EPM2A: variants seen among roughly 807,000 people sequenced by gnomAD.
EPM2A encodes the protein laforin.
A neutral mutation model predicts 26.5 loss-of-function variants in EPM2A; 21 were observed. The observed-to-expected ratio is 0.79, with a 90% CI of 0.56 to 1.14. EPM2A has a LOEUF of 1.14. Among genes scored for constraint, EPM2A ranks in the 50% most tolerant of loss-of-function variants. The pLI is 0.00. For missense variants in EPM2A, 458 were observed against 440.8 expected (o/e 1.04, Z -0.35); for synonymous variants, 217 against 177.6 (o/e 1.22, Z -1.76).
At chr6:145,731,138 A>C (rs920038816) in intron 1 of EPM2A, among the ~76,000 whole-genome samples, 3 of 152,202 alleles carry the variant, frequency 2.0e-5, no homozygotes, top group South Asian at 4.1e-4. Flanking sequence ...CTCATGATCA[A>C]GTTCTTTTTA....
At chr6:145,664,302 A>G (rs1274643622) in intron 2 of EPM2A, among the ~76,000 whole-genome samples, 3 of 97,666 alleles carry the variant, frequency 3.1e-5, no homozygotes, top group African/African-American at 8.6e-5. Flanking sequence ...GGCTCAAAAT[A>G]AAAGGATGGA....
At chr6:145,447,926 T>C (rs1779146801) in intron 4 of EPM2A, among the ~76,000 whole-genome samples, 2 of 152,124 alleles carry the variant, frequency 1.3e-5, no homozygotes, top group Non-Finnish European at 2.9e-5. Flanking sequence ...TCATATATTG[T>C]TTTTAAAAAT....
chr6:145,467,698 T>C (rs1267128238), intron 4 of EPM2A, among the ~76,000 whole-genome samples: 1 of 152,152 alleles, frequency 6.6e-6, no homozygotes, highest in African/African-American at 2.4e-5. Context: ...AAATAACATC[T>C]TTACAATGTT....
chr6:145,498,487 T>TG (rs574091947), downstream of EPM2A, among the ~76,000 whole-genome samples: 55 of 152,322 alleles, frequency 3.6e-4, no homozygotes, highest in East Asian at 7.2e-3. Context: ...CACAGCTCTG[T>TG]GTGTCAGACT....
intron 4 of EPM2A, among the ~76,000 whole-genome samples, chr6:145,481,703 T>C (rs1426449797): frequency 6.6e-6 from 1 of 152,120 alleles, no homozygotes. Context: ...CTGTAGGATA[T>C]AAGTACTTGT....
chr6:145,435,651 G>A (rs1036859467), intron 4 of EPM2A, among the ~76,000 whole-genome samples: 4 of 151,206 alleles, frequency 2.6e-5, no homozygotes, highest in Non-Finnish European at 5.9e-5. Flanking sequence ...CCCAGTCTCA[G>A]GTATTTCTGT....
intron 1 of EPM2A, among the ~76,000 whole-genome samples, chr6:145,696,773 GTA>G (rs1350968653): frequency 1.6e-3 from 148 of 94,846 alleles, no homozygotes; most frequent in Middle Eastern, 5.0e-3. Flanking sequence ...ACAGGTAGGG[GTA>G]TGTGTGTGTG....
intron 4 of EPM2A, among the ~76,000 whole-genome samples, chr6:145,422,684 T>C (rs1778804595): frequency 6.6e-6 from 1 of 152,014 alleles, no homozygotes; most frequent in African/African-American, 2.4e-5. Flanking sequence ...TTACCACCAT[T>C]TTTATATGTG....
At chr6:145,554,238 G>T (rs1229941948) in intron 2 of EPM2A, among the ~76,000 whole-genome samples, 1 of 151,922 alleles carries the variant, frequency 6.6e-6, no homozygotes, top group Non-Finnish European at 1.5e-5. Context: ...AATACTAAGG[G>T]GGGTAGTATG....
In EPM2A at chr6:145,401,944, C is replaced by T. The variant is rs1264065059; in HGVS notation, c.556-17847G>A. Among the ~76,000 whole-genome samples the T allele has an allele frequency of 6.6e-5, 10 of 152,098 alleles. No homozygotes were observed. The South Asian group carries it at 2.1e-3, about 32-fold the overall frequency. ...AAAGAGAGAGAAGGAAACACTCTTCCTAGATTAGAAAGCCATCTCGTACAT... is the reference window on the plus strand; with the variant it reads ...AAAGAGAGAGAAGGAAACACTCTTCTTAGATTAGAAAGCCATCTCGTACAT... On this transcript the variant is annotated intron_variant, in intron 4 of 4. Transcript: ENST00000638717.
intron 1 of EPM2A, among the ~76,000 whole-genome samples, chr6:145,720,730 T>A (rs904750467): frequency 6.6e-6 from 1 of 152,210 alleles, no homozygotes; most frequent in African/African-American, 2.4e-5. Flanking sequence ...GCTAACTTCT[T>A]CCTAACATAC....
At chr6:145,475,952 T>C (rs978500268) in intron 4 of EPM2A, among the ~76,000 whole-genome samples, 4 of 151,926 alleles carry the variant, frequency 2.6e-5, no homozygotes, top group African/African-American at 9.7e-5. Context: ...TAAATGTAAA[T>C]GGACTAAACC....
chr6:145,691,680 C>G (rs1000390387), intron 1 of EPM2A, among the ~76,000 whole-genome samples: 1 of 152,018 alleles, frequency 6.6e-6, no homozygotes, highest in Non-Finnish European at 1.5e-5. Flanking sequence ...TTCTAAAATT[C>G]ACTCAAACTC....
At chr6:145,700,220 A>G (rs1781834808) in intron 1 of EPM2A, among the ~76,000 whole-genome samples, 1 of 152,166 alleles carries the variant, frequency 6.6e-6, no homozygotes. Context: ...TTTACTTTCT[A>G]TGTCACATGC....
intron 1 of EPM2A, among the ~76,000 whole-genome samples, chr6:145,732,272 G>A (rs920256729): frequency 1.3e-5 from 2 of 150,832 alleles, no homozygotes; most frequent in African/African-American, 4.9e-5. Context: ...GAATGTGTAA[G>A]TAAGCTATTT....
chr6:145,416,659 G>T (rs1265438117), intron 4 of EPM2A, among the ~76,000 whole-genome samples: 1 of 152,146 alleles, frequency 6.6e-6, no homozygotes, highest in African/African-American at 2.4e-5. Context: ...CTAGATAAGG[G>T]TATTTATATT....
At chr6:145,386,388 G>A (rs550664707) in intron 4 of EPM2A, among the ~76,000 whole-genome samples, 257 of 152,106 alleles carry the variant, frequency 1.7e-3, no homozygotes, top group Middle Eastern at 6.8e-3. Context: ...TATCACCCGA[G>A]AGTTATCGAA....
intron 2 of EPM2A, among the ~76,000 whole-genome samples, chr6:145,548,525 G>A (rs1233458236): frequency 6.6e-6 from 1 of 151,988 alleles, no homozygotes; most frequent in East Asian, 1.9e-4. Context: ...ACCTTGAAGC[G>A]GGACATTGGT....
chr6:145,474,590 A>G (rs1724644812), intron 4 of EPM2A, among the ~76,000 whole-genome samples: 2 of 152,204 alleles, frequency 1.3e-5, no homozygotes, highest in South Asian at 4.1e-4. Context: ...AAACACCAAA[A>G]GCAATGGCAA....
Sources: allele counts gnomAD v4.1 joint callset (sites outside exome capture counted in the v4.1 genomes callset), GRCh38; gene constraint gnomAD v4.1.1; transcripts MANE v1.5; gene names NCBI Gene and HGNC (gene_info 2026-07-23, HGNC 2026-07-21).